The following TNNI3K variants were observed in gnomAD, a reference collection of about 807,000 sequenced individuals.
TNNI3K encodes TNNI3 interacting kinase, also known as serine/threonine-protein kinase TNNI3K.
TNNI3K carries 140 observed loss-of-function variants against 114.5 expected under a neutral mutation model. That is an observed-to-expected ratio of 1.22 (90% CI 1.07 to 1.41). TNNI3K has a LOEUF of 1.41. Ranked by LOEUF, TNNI3K falls within the 40% of genes most tolerant of loss-of-function variation. TNNI3K has a pLI of 0.00. For synonymous variants in TNNI3K, 347 were observed against 347.5 expected, an observed-to-expected ratio of 1.00 and a Z score of 0.02; for missense variants, 1,125 against 1,007.6, an observed-to-expected ratio of 1.12 and a Z score of -1.58.
chr1:74,540,606 TAA>T lies in TNNI3K; in HGVS notation c.2431+307_2431+308del, dbSNP rs5775242. Among the ~76,000 whole-genome samples, 384 of 147,266 alleles carry T rather than the reference TAA, an allele frequency of 2.6e-3. 7 individuals are homozygous for T. The East Asian group carries it at 0.028, about 11-fold the overall frequency. ...ATAGAAAAAAGTACAACTCTTTTTTTAAAAAAAAAAAAAAACTCCTTCCTCTC... is the reference window on the plus strand; with the variant it reads ...ATAGAAAAAAGTACAACTCTTTTTTTAAAAAAAAAAAAACTCCTTCCTCTC... On this transcript the variant is annotated intron_variant, in intron 24 of 24. Coordinates refer to ENST00000326637, the MANE Select transcript of TNNI3K (RefSeq NM_015978.3).
At chr1:74,422,508 G>A (rs1665447527) in intron 17 of TNNI3K, among the ~76,000 whole-genome samples, 1 of 152,006 alleles carries the variant, frequency 6.6e-6, no homozygotes, top group Non-Finnish European at 1.5e-5. Flanking sequence ...TGAACTAAAT[G>A]GCAGAGCTGA....
intron 17 of TNNI3K, among the ~76,000 whole-genome samples, chr1:74,416,830 A>G (rs1665138986): frequency 6.6e-6 from 1 of 151,766 alleles, no homozygotes; most frequent in Admixed American, 6.6e-5. Flanking sequence ...CTGTCTTTCT[A>G]TTTTCTACTT....
intron 23 of TNNI3K, among the ~76,000 whole-genome samples, chr1:74,502,621 C>T (rs947174910): frequency 1.3e-5 from 2 of 152,190 alleles, no homozygotes; most frequent in African/African-American, 4.8e-5. Flanking sequence ...ACTGAACTAC[C>T]TCGCACTTAA....
intron 23 of TNNI3K, among the ~76,000 whole-genome samples, chr1:74,514,519 C>T (rs778109795): frequency 2.6e-5 from 4 of 152,050 alleles, no homozygotes; most frequent in Non-Finnish European, 5.9e-5. Context: ...TATTGAGAAC[C>T]TACTATGTAC....
chr1:74,354,802 G>A (rs1012657272), intron 11 of TNNI3K, among the ~76,000 whole-genome samples: 5 of 152,016 alleles, frequency 3.3e-5, no homozygotes, highest in African/African-American at 4.8e-5. Context: ...GATAATATAC[G>A]CAAATTGCTT....
At chr1:74,351,778 AT>A (rs1460294283) in intron 9 of TNNI3K, among the ~76,000 whole-genome samples, 1 of 152,168 alleles carries the variant, frequency 6.6e-6, no homozygotes, top group Non-Finnish European at 1.5e-5. Context: ...AGGCTTGTGC[AT>A]TCGTCACGTA....
chr1:74,289,210 A>G (rs1018087855), intron 5 of TNNI3K, among the ~76,000 whole-genome samples: 2 of 152,034 alleles, frequency 1.3e-5, no homozygotes, highest in Non-Finnish European at 2.9e-5. Context: ...TTCAAAGTTG[A>G]CCTTGTAGAA....
At chr1:74,534,418 A>T (rs1012975410) in intron 23 of TNNI3K, among the ~76,000 whole-genome samples, 2 of 152,308 alleles carry the variant, frequency 1.3e-5, no homozygotes, top group Non-Finnish European at 2.9e-5. Flanking sequence ...TATTCTGAGA[A>T]TTCATGAAAT....
chr1:74,321,600 A>T (rs1008706781), intron 5 of TNNI3K, among the ~76,000 whole-genome samples: 1 of 151,780 alleles, frequency 6.6e-6, no homozygotes, highest in African/African-American at 2.4e-5. Context: ...TATATAACTG[A>T]TGAAATTATT....
At chr1:74,399,897 C>G (rs990423080) in intron 17 of TNNI3K, among the ~76,000 whole-genome samples, 124 of 152,260 alleles carry the variant, frequency 8.1e-4, no homozygotes, top group Non-Finnish European at 2.9e-5. Context: ...TCTACCAAGT[C>G]TTACATTGTG....
At chr1:74,482,957 C>A (rs943824066) in intron 21 of TNNI3K, among the ~76,000 whole-genome samples, 1 of 152,108 alleles carries the variant, frequency 6.6e-6, no homozygotes, top group African/African-American at 2.4e-5. Context: ...CAAATCTGCA[C>A]AAAGTATGTA....
intron 4 of TNNI3K, among the ~76,000 whole-genome samples, chr1:74,255,714 A>C (rs1474080397): frequency 6.6e-6 from 1 of 152,204 alleles, no homozygotes; most frequent in Admixed American, 6.5e-5. Context: ...GTAATCATGT[A>C]ACCATCATCA....
intron 5 of TNNI3K, among the ~76,000 whole-genome samples, chr1:74,285,873 T>C (rs373322170): frequency 7.9e-5 from 12 of 152,278 alleles, no homozygotes; most frequent in African/African-American, 2.6e-4. Flanking sequence ...AACAAATTAG[T>C]CTTAATACCT....
chr1:74,321,451 G>A (rs906808397), intron 5 of TNNI3K, among the ~76,000 whole-genome samples: 1 of 151,850 alleles, frequency 6.6e-6, no homozygotes, highest in African/African-American at 2.4e-5. Flanking sequence ...GATGTTACTT[G>A]CTAGTTTCAA....
At chr1:74,288,981 T>C (rs1302220861) in intron 5 of TNNI3K, among the ~76,000 whole-genome samples, 1 of 152,034 alleles carries the variant, frequency 6.6e-6, no homozygotes, top group Non-Finnish European at 1.5e-5. Context: ...TATGTGGGGA[T>C]ATGGGGAAAG....
chr1:74,330,217 A>C (rs888266293), intron 5 of TNNI3K, among the ~76,000 whole-genome samples: 1 of 152,040 alleles, frequency 6.6e-6, no homozygotes, highest in African/African-American at 2.4e-5. Flanking sequence ...AGCTACAGAA[A>C]ATTGAAAAGA....
chr1:74,489,728 A>G (rs1318576164), intron 22 of TNNI3K, among the ~76,000 whole-genome samples: 1 of 152,204 alleles, frequency 6.6e-6, no homozygotes, highest in African/African-American at 2.4e-5. Flanking sequence ...GTTGGTAATC[A>G]GGCTAATGGA....
At chr1:74,515,790 C>T (rs1646340377) in intron 23 of TNNI3K, among the ~76,000 whole-genome samples, 1 of 152,176 alleles carries the variant, frequency 6.6e-6, no homozygotes, top group East Asian at 1.9e-4. Flanking sequence ...TAAGGGAAAT[C>T]TGAGGTTTTT....
chr1:74,402,688 A>G (rs1035297389), intron 17 of TNNI3K, among the ~76,000 whole-genome samples: 2 of 152,180 alleles, frequency 1.3e-5, no homozygotes, highest in Non-Finnish European at 2.9e-5. Context: ...TGGCAGAAAC[A>G]GTTCTTGTGG....
Sources: gnomAD v4.1 joint callset for allele counts (sites outside exome capture counted in the v4.1 genomes callset) on GRCh38, gnomAD v4.1.1 for gene constraint, MANE v1.5 for transcripts, NCBI Gene and HGNC (gene_info 2026-07-23, HGNC 2026-07-21) for gene names.